ZHX2: variants seen among roughly 807,000 people sequenced by gnomAD.
ZHX2 encodes zinc fingers and homeoboxes protein 2.
ZHX2 carries 6 observed loss-of-function variants against 21.9 expected under a neutral mutation model. The ratio of observed to expected loss-of-function variants is 0.27; its 90% CI spans 0.15 to 0.54. The LOEUF (loss-of-function observed/expected upper bound fraction) is 0.54, where lower values mean the gene tolerates loss of function less well. Among genes scored for constraint, ZHX2 ranks in the 20% least tolerant of loss-of-function variants. The probability of loss-of-function intolerance (pLI) is 0.95; values close to 1 mark genes in which losing one functional copy is unlikely to be tolerated. For missense variants in ZHX2, 908 were observed against 1,090.7 expected (o/e 0.83, Z 2.36); for synonymous variants, 434 against 437.1 (o/e 0.99, Z 0.09).
intron 1 of ZHX2, among the ~76,000 whole-genome samples, chr8:122,793,033 A>C (rs1817549104): frequency 6.6e-6 from 1 of 152,164 alleles, no homozygotes; most frequent in South Asian, 2.1e-4. Flanking sequence ...TGGAGAACCC[A>C]TGCATCTGCA....
intron 2 of ZHX2, among the ~76,000 whole-genome samples, chr8:122,882,404 TC>T (rs1819735019): frequency 6.6e-6 from 1 of 152,106 alleles, no homozygotes; most frequent in South Asian, 2.1e-4. Context: ...TGAATGTGGT[TC>T]TTTGCCTCTA....
chr8:122,838,752 A>G (rs533617614), intron 1 of ZHX2, among the ~76,000 whole-genome samples: 1 of 151,618 alleles, frequency 6.6e-6, no homozygotes, highest in Non-Finnish European at 1.5e-5. Context: ...TAATTTTTGT[A>G]TTTTTAGTAG....
At chr8:122,837,434 T>C (rs1818528054) in intron 1 of ZHX2, among the ~76,000 whole-genome samples, 1 of 152,166 alleles carries the variant, frequency 6.6e-6, no homozygotes, top group South Asian at 2.1e-4. Context: ...AGGAAAGTTA[T>C]TCCATAAGCT....
intron 1 of ZHX2, among the ~76,000 whole-genome samples, chr8:122,806,255 A>G (rs958709187): frequency 5.9e-5 from 9 of 152,188 alleles, no homozygotes; most frequent in Non-Finnish European, 1.0e-4. Context: ...CTTAGGTTGA[A>G]CTGTGTGCCT....
At chr8:122,885,080 G>A (rs1241188505) in intron 2 of ZHX2, among the ~76,000 whole-genome samples, 1 of 152,214 alleles carries the variant, frequency 6.6e-6, no homozygotes, top group African/African-American at 2.4e-5. Context: ...TAGACAAGCA[G>A]GGCTGGTGAG....
At chr8:122,825,601 A>C (rs1347674537) in intron 1 of ZHX2, among the ~76,000 whole-genome samples, 1 of 152,168 alleles carries the variant, frequency 6.6e-6, no homozygotes. Context: ...TGACATATGA[A>C]GATATGCCTC....
intron 2 of ZHX2, among the ~76,000 whole-genome samples, chr8:122,907,729 A>G (rs1459724278): frequency 2.0e-5 from 3 of 152,226 alleles, no homozygotes; most frequent in African/African-American, 2.4e-5. Context: ...TTTCCCATCT[A>G]TAAAATGGCT....
chr8:122,870,758 C>T (rs183875487), intron 2 of ZHX2, among the ~76,000 whole-genome samples: 4 of 151,718 alleles, frequency 2.6e-5, no homozygotes, highest in Admixed American at 6.6e-5. Context: ...GTGGCTGTTC[C>T]GATGGCCCCA....
At chr8:122,928,165 C>A (rs1219435202) in intron 2 of ZHX2, among the ~76,000 whole-genome samples, 1 of 152,142 alleles carries the variant, frequency 6.6e-6, no homozygotes, top group Non-Finnish European at 1.5e-5. Context: ...TTATCTCCCC[C>A]ACTCCCACCA....
At chr8:122,824,414 T>C (rs1682348381) in intron 1 of ZHX2, among the ~76,000 whole-genome samples, 1 of 152,174 alleles carries the variant, frequency 6.6e-6, no homozygotes, top group Admixed American at 6.5e-5. Flanking sequence ...TATTGTCCAA[T>C]GAACCCTCAC....
At chr8:122,917,038 C>A (rs543457449) in intron 2 of ZHX2, among the ~76,000 whole-genome samples, 2 of 152,196 alleles carry the variant, frequency 1.3e-5, no homozygotes, top group Admixed American at 6.5e-5. Flanking sequence ...CAGTCCCCCC[C>A]ACCAGGCAGC....
At chr8:122,915,050 C>T (rs1820568562) in intron 2 of ZHX2, among the ~76,000 whole-genome samples, 1 of 152,196 alleles carries the variant, frequency 6.6e-6, no homozygotes, top group Non-Finnish European at 1.5e-5. Flanking sequence ...ATGGTGCACT[C>T]TCCTTTCTTG....
chr8:122,920,081 A>T (rs1563584062), intron 2 of ZHX2, among the ~76,000 whole-genome samples: 1 of 152,146 alleles, frequency 6.6e-6, no homozygotes, highest in South Asian at 2.1e-4. Context: ...CAAGACCAGC[A>T]TGGTCAACAT....
chr8:122,797,320 G>T (rs538413222), intron 1 of ZHX2, among the ~76,000 whole-genome samples: 1 of 152,260 alleles, frequency 6.6e-6, no homozygotes, highest in African/African-American at 2.4e-5. Context: ...CTGGAGGAGA[G>T]GAAGAGAAAA....
In ZHX2 at chr8:122,910,673, A is replaced by G. The variant is rs183382652; in HGVS notation, c.-219-40619A>G. Among the ~76,000 whole-genome samples the G allele has an allele frequency of 4.0e-5, 6 of 151,852 alleles. 1 individual carries two copies. The highest frequency in any genetic ancestry group is 6.8e-3 in the Middle Eastern group (2 of 294). On this transcript the variant is annotated intron_variant, in intron 2 of 3. Coordinates refer to ENST00000314393, the MANE Select transcript of ZHX2 (RefSeq NM_014943.5). ...GGTTACTGGTGGGGCAGTACGGACC[A>G]ACCCTCACCCTGGAGGCTTGCCCAA...
Position 122,974,153 on chromosome 8 carries a change from T to C in ZHX2, c.*916T>C, listed in dbSNP as rs1813804044. 1 of 152,470 alleles carries C rather than the reference T, an allele frequency of 6.6e-6. No individual in the cohort carries two copies. Among genetic ancestry groups the C allele is most frequent in the African/African-American group, 2.4e-5 (1 of 41,368 alleles). 9.4% of individuals were successfully genotyped at this position (152,470 alleles called of 1,614,324 possible). A position where few individuals can be genotyped will look rare whatever the true frequency, so the allele number is the denominator to read the frequency against. ...AGGGTACAGAGGTGAATGGCTTTGG[T>C]TTTCATTTCTCTTCTTCACTGCCTT... On this transcript the variant is annotated 3_prime_UTR_variant, in exon 4 of 4. Transcript: ENST00000314393.
At chr8:122,918,673 G>A (rs981781131) in intron 2 of ZHX2, among the ~76,000 whole-genome samples, 6 of 152,130 alleles carry the variant, frequency 3.9e-5, no homozygotes, top group East Asian at 1.9e-4. Context: ...ACGTCCGGGC[G>A]CGGTGGCTCA....
Position 122,888,412 on chromosome 8 carries a change from G to A in ZHX2, c.-220+24873G>A, listed in dbSNP as rs1389651623. 3.9e-5 allele frequency among the ~76,000 whole-genome samples: 6 copies of A among 152,212 alleles called. No individual in the cohort carries two copies. The South Asian group carries it at 1.0e-3, about 26-fold the overall frequency. ...AAACATGTACATTTCTTTCCGTTAG[G>A]AAGATTCAAAATCCTCTCTGCTAGC... is the stretch of plus-strand genomic sequence containing the variant. On this transcript the variant is annotated intron_variant, in intron 2 of 3. Coordinates refer to ENST00000314393, the MANE Select transcript of ZHX2 (RefSeq NM_014943.5).
At chr8:122,940,469 G>A (rs544496989) in intron 2 of ZHX2, among the ~76,000 whole-genome samples, 38 of 152,268 alleles carry the variant, frequency 2.5e-4, no homozygotes, top group African/African-American at 8.7e-4. Context: ...ACCTCTGGCA[G>A]GACACCCAGC....
Sources: gnomAD v4.1 joint callset for allele counts (sites outside exome capture counted in the v4.1 genomes callset) on GRCh38, gnomAD v4.1.1 for gene constraint, MANE v1.5 for transcripts, NCBI Gene and HGNC (gene_info 2026-07-23, HGNC 2026-07-21) for gene names.